UNC5C: variants seen among roughly 807,000 people sequenced by gnomAD.
UNC5C encodes the protein unc-5 netrin receptor C.
In UNC5C, 47 loss-of-function variants were observed where a neutral mutation model predicts 99.8. That is an observed-to-expected ratio of 0.47 (90% CI 0.37 to 0.60). The LOEUF (loss-of-function observed/expected upper bound fraction) is 0.60. UNC5C is among the 20% of genes least tolerant of loss of function. UNC5C has a pLI of 0.00. For synonymous variants in UNC5C, 487 were observed against 452.2 expected, an observed-to-expected ratio of 1.08 and a Z score of -0.98; for missense variants, 1,062 against 1,165.9, an observed-to-expected ratio of 0.91 and a Z score of 1.30.
chr4:95,219,246 C>A lies in UNC5C; in HGVS notation c.1368G>T (p.Leu456=), dbSNP rs1229999989. 3.7e-6 allele frequency: 6 copies of A among 1,614,160 alleles called. No homozygotes were observed. The highest frequency in any genetic ancestry group is 5.1e-6 in the Non-Finnish European group (6 of 1,180,026). ...AAMYRGPVYA[L]HDVSDKIPMT... ...TTGGGATTTTGTCTGAGACGTCATG[C>A]AGGGCATAGACAGGTCCTCTGTACA... Residue 456 remains leucine (L), a synonymous_variant, in exon 9 of 16, where the codon CTG becomes CTT. Coordinates refer to ENST00000453304, the MANE Select transcript of UNC5C (RefSeq NM_003728.4).
At chr4:95,199,194 G>T (rs1160747193) in intron 12 of UNC5C, among the ~76,000 whole-genome samples, 1 of 152,164 alleles carries the variant, frequency 6.6e-6, no homozygotes. Context: ...GAAGTAGCGA[G>T]ATGGGAGAGA....
chr4:95,431,533 G>T (rs1746634385), intron 1 of UNC5C, among the ~76,000 whole-genome samples: 8 of 151,362 alleles, frequency 5.3e-5, no homozygotes, highest in African/African-American at 2.0e-4. Context: ...TAAAATAAGG[G>T]GTAAAGACTA....
intron 1 of UNC5C, among the ~76,000 whole-genome samples, chr4:95,537,927 T>C (rs1214272382): frequency 1.3e-5 from 2 of 152,158 alleles, no homozygotes; most frequent in African/African-American, 2.4e-5. Context: ...ATCACTTCAC[T>C]TTAAATAAAT....
At chr4:95,329,886 C>T (rs369863294) in intron 2 of UNC5C, among the ~76,000 whole-genome samples, 2 of 152,134 alleles carry the variant, frequency 1.3e-5, no homozygotes, top group East Asian at 3.9e-4. Context: ...AACCAACCAA[C>T]TGCCAAATTT....
chr4:95,175,152 G>T, intron 14 of UNC5C, among the ~76,000 whole-genome samples: 1 of 151,172 alleles, frequency 6.6e-6, no homozygotes, highest in Admixed American at 6.6e-5. Flanking sequence ...CACGTGAGAT[G>T]GGTTTCCTGA....
chr4:95,328,693 G>C lies in UNC5C; in HGVS notation c.346+6717C>G, dbSNP rs1395558843. On this transcript the variant is annotated intron_variant, in intron 2 of 15. Coordinates refer to ENST00000453304, the MANE Select transcript of UNC5C (RefSeq NM_003728.4). Reference sequence around the variant, plus strand: ...TGACAGTCCCACCAACAGTGTCAAAGTGTTCCTATTTCTCCACATCCTCTC... The same window carrying C: ...TGACAGTCCCACCAACAGTGTCAAACTGTTCCTATTTCTCCACATCCTCTC... Among the ~76,000 whole-genome samples, 4 of 149,552 alleles carry C rather than the reference G, an allele frequency of 2.7e-5. No homozygotes were observed. The South Asian group carries it at 6.6e-4, about 25-fold the overall frequency.
intron 1 of UNC5C, among the ~76,000 whole-genome samples, chr4:95,336,531 T>C (rs1743344171): frequency 6.6e-6 from 1 of 151,940 alleles, no homozygotes; most frequent in Non-Finnish European, 1.5e-5. Flanking sequence ...AAAGGCTGGT[T>C]GCTCACATAT....
chr4:95,313,891 T>C (rs776807895), intron 2 of UNC5C, among the ~76,000 whole-genome samples: 1 of 152,236 alleles, frequency 6.6e-6, no homozygotes, highest in Non-Finnish European at 1.5e-5. Context: ...TTCTGCTCTG[T>C]ACGTATTGGC....
At chr4:95,182,636 A>G (rs1195371089) in intron 14 of UNC5C, among the ~76,000 whole-genome samples, 1 of 152,204 alleles carries the variant, frequency 6.6e-6, no homozygotes, top group Non-Finnish European at 1.5e-5. Context: ...TGTTTTTACA[A>G]GTTAGAACAT....
chr4:95,494,854 A>T lies in UNC5C; in HGVS notation c.124+53880T>A, dbSNP rs115495259. Among the ~76,000 whole-genome samples the T allele has an allele frequency of 7.5e-3, 1,139 of 151,560 alleles. 6 individuals are homozygous for T. Among genetic ancestry groups the T allele is most frequent in the South Asian group, 0.014 (68 of 4,820 alleles). The stretch of plus-strand genomic sequence containing the variant: ...TGTAAGTAGCCAGAAGTAACTCACT[A>T]TTGCCTTTAATTGAAAACATTAATT... On this transcript the variant is annotated intron_variant, in intron 1 of 15. Transcript: ENST00000453304.
intron 1 of UNC5C, among the ~76,000 whole-genome samples, chr4:95,392,799 A>G (rs1033644410): frequency 2.6e-5 from 4 of 152,140 alleles, no homozygotes; most frequent in Middle Eastern, 3.2e-3. Flanking sequence ...AAAGTATTAA[A>G]AAGCATCTTA....
At chr4:95,490,634 G>T (rs1721457361) in intron 1 of UNC5C, among the ~76,000 whole-genome samples, 1 of 151,576 alleles carries the variant, frequency 6.6e-6, no homozygotes. Context: ...TCATTCAGTA[G>T]TTCTCTCTCA....
chr4:95,318,658 C>T (rs1742568652), intron 2 of UNC5C, among the ~76,000 whole-genome samples: 1 of 152,122 alleles, frequency 6.6e-6, no homozygotes, highest in Non-Finnish European at 1.5e-5. Flanking sequence ...CAGGGTGTAG[C>T]TATAAAAAGA....
At chr4:95,199,586 C>T (rs775541071) in intron 12 of UNC5C, among the ~76,000 whole-genome samples, 11 of 152,078 alleles carry the variant, frequency 7.2e-5, no homozygotes, top group Admixed American at 3.9e-4. Context: ...TGACCATTTG[C>T]GTCTTGGGTT....
At chr4:95,263,328 G>A (rs1265845471) in intron 4 of UNC5C, among the ~76,000 whole-genome samples, 2 of 152,108 alleles carry the variant, frequency 1.3e-5, no homozygotes, top group Non-Finnish European at 2.9e-5. Flanking sequence ...CATAAAATGT[G>A]CAAGGAGATA....
intron 1 of UNC5C, among the ~76,000 whole-genome samples, chr4:95,513,262 T>A (rs1478920339): frequency 1.3e-5 from 2 of 152,196 alleles, no homozygotes; most frequent in African/African-American, 4.8e-5. Flanking sequence ...TTCTTTGTAA[T>A]CTATTTACAT....
At chr4:95,523,881 T>C (rs963858369) in intron 1 of UNC5C, among the ~76,000 whole-genome samples, 3 of 152,086 alleles carry the variant, frequency 2.0e-5, no homozygotes, top group Non-Finnish European at 2.9e-5. Context: ...CTATAAAAGG[T>C]TCACAAATAA....
rs1166346997 is a variant in UNC5C, at chr4:95,167,671, C to T, written c.*1563G>A. 6.6e-6 allele frequency: 1 copy of T among 152,202 alleles called. No individual in the cohort carries two copies. Among genetic ancestry groups the T allele is most frequent in the East Asian group, 1.9e-4 (1 of 5,186 alleles). 9.4% of individuals were successfully genotyped at this position (152,202 alleles called of 1,614,324 possible). ...GAAAATGATAATAAAGGGATGTCATCTCTCAGTGAACAGCATAATGCAATG... is the reference window on the plus strand; with the variant it reads ...GAAAATGATAATAAAGGGATGTCATTTCTCAGTGAACAGCATAATGCAATG... On this transcript the variant is annotated 3_prime_UTR_variant, in exon 16 of 16. Transcript: ENST00000453304.
rs183457417 is a variant in UNC5C, at chr4:95,497,439, A to C, written c.124+51295T>G. Among the ~76,000 whole-genome samples the C allele has an allele frequency of 5.3e-5, 8 of 152,098 alleles. No individual in the cohort carries two copies. The East Asian group carries it at 9.7e-4, about 18-fold the overall frequency. ...CTTCACAAACTCTTTATTATTAATA[A>C]GTTTTAAGAAAGATCCCTGTTTATT... On this transcript the variant is annotated intron_variant, in intron 1 of 15. Coordinates refer to ENST00000453304, the MANE Select transcript of UNC5C (RefSeq NM_003728.4).
Sources: allele counts gnomAD v4.1 joint callset (sites outside exome capture counted in the v4.1 genomes callset), GRCh38; gene constraint gnomAD v4.1.1; transcripts MANE v1.5; gene names NCBI Gene and HGNC (gene_info 2026-07-23, HGNC 2026-07-21).